The following NBAS variants were observed in gnomAD, a reference collection of about 807,000 sequenced individuals.
NBAS encodes the protein NAG/BC035112 fusion.
A neutral mutation model predicts 302.5 loss-of-function variants in NBAS; 219 were observed. That is an observed-to-expected ratio of 0.72 (90% CI 0.65 to 0.81). The LOEUF is 0.81. NBAS is among the 30% of genes least tolerant of loss of function. The probability of loss-of-function intolerance (pLI) is 0.00; values close to 1 mark genes in which losing one functional copy is unlikely to be tolerated. For missense variants in NBAS, 2,932 were observed against 2,841.6 expected, an observed-to-expected ratio of 1.03 and a Z score of -0.72; for synonymous variants, 1,118 against 1,021.6, an observed-to-expected ratio of 1.09 and a Z score of -1.80.
chr2:15,069,896 T>A, the NBAS span, among the ~76,000 whole-genome samples: 1 of 152,178 alleles, frequency 6.6e-6, no homozygotes, highest in Non-Finnish European at 1.5e-5. Flanking sequence ...GATTGGGAAT[T>A]GGAGTTATCT....
intron 19 of NBAS, among the ~76,000 whole-genome samples, chr2:15,466,171 G>T (rs971363515): frequency 9.9e-5 from 15 of 151,844 alleles, no homozygotes; most frequent in African/African-American, 3.6e-4. Flanking sequence ...ATATTAGCAG[G>T]GTGGGGGAAT....
At chr2:15,238,408 A>G in intron 45 of NBAS, 60 bp downstream of exon 45, 2 of 1,533,278 alleles carry the variant, frequency 1.3e-6, no homozygotes, top group Admixed American at 3.5e-5. Flanking sequence ...GTAACTTTCA[A>G]GGAAAAAAGA....
the NBAS span, among the ~76,000 whole-genome samples, chr2:14,828,750 T>C: frequency 6.6e-6 from 1 of 152,052 alleles, no homozygotes; most frequent in Non-Finnish European, 1.5e-5. Context: ...TAACTAACTA[T>C]ATGCAGTCAG....
the NBAS span, among the ~76,000 whole-genome samples, chr2:14,930,470 G>A: frequency 6.6e-6 from 1 of 152,182 alleles, no homozygotes. Flanking sequence ...GACTGCAAAA[G>A]CTATAGGCTC....
the NBAS span, among the ~76,000 whole-genome samples, chr2:14,946,973 A>G: frequency 6.8e-6 from 1 of 146,898 alleles, no homozygotes; most frequent in East Asian, 2.0e-4. Flanking sequence ...TGAAACAAAT[A>G]AAAATGAAAA....
intron 23 of NBAS, 81 bp downstream of exon 23, chr2:15,424,234 C>A: frequency 6.6e-7 from 1 of 1,511,376 alleles, no homozygotes; most frequent in Non-Finnish European, 9.2e-7. Flanking sequence ...CTGCTGTCAG[C>A]CCCGACTCCG....
At chr2:15,352,204 T>G in intron 34 of NBAS, 123 bp from the exon 35 acceptor site, 2 of 706,376 alleles carry the variant, frequency 2.8e-6, no homozygotes, top group Non-Finnish European at 4.9e-6. Context: ...TAATGATTAG[T>G]TTTGGTAACA....
the NBAS span, among the ~76,000 whole-genome samples, chr2:14,866,924 C>A: frequency 2.0e-5 from 3 of 152,122 alleles, no homozygotes; most frequent in African/African-American, 4.8e-5. Context: ...TGCTAAGAGA[C>A]TACTAACAAC....
At chr2:14,881,226 C>T in the NBAS span, among the ~76,000 whole-genome samples, 2 of 152,040 alleles carry the variant, frequency 1.3e-5, no homozygotes, top group Admixed American at 6.6e-5. Context: ...ATATCTATGG[C>T]GGCCATTATC....
chr2:15,499,076 G>A (rs981157209), intron 11 of NBAS, among the ~76,000 whole-genome samples: 1 of 151,816 alleles, frequency 6.6e-6, no homozygotes. Flanking sequence ...TGACAAGTAC[G>A]TGCCACCACA....
intron 44 of NBAS, among the ~76,000 whole-genome samples, chr2:15,245,198 T>G (rs891261529): frequency 6.6e-6 from 1 of 152,168 alleles, no homozygotes. Flanking sequence ...CAGTCTTTCA[T>G]GCCCTATCAG....
the NBAS span, among the ~76,000 whole-genome samples, chr2:14,961,832 G>A: frequency 6.6e-6 from 1 of 152,114 alleles, no homozygotes; most frequent in African/African-American, 2.4e-5. Flanking sequence ...AGGCTGGAGT[G>A]CAATGGCACA....
chr2:15,533,679 CGTGTGT>C (rs59222907), intron 9 of NBAS, among the ~76,000 whole-genome samples: 12,554 of 143,826 alleles, frequency 0.087, 685 homozygotes, highest in East Asian at 0.16. Context: ...GGGGGGTGTG[CGTGTGT>C]GTGTGTGTGT....
At chr2:15,061,441 T>C in the NBAS span, among the ~76,000 whole-genome samples, 1 of 152,260 alleles carries the variant, frequency 6.6e-6, no homozygotes, top group Non-Finnish European at 1.5e-5. Flanking sequence ...ACATAGTGAC[T>C]ATCTGATAAG....
Position 15,192,925 on chromosome 2 carries a change from ATCATGTTTTCAAT to A in NBAS, c.6433-2535_6433-2523del, listed in dbSNP as rs566496107. Among the ~76,000 whole-genome samples, 579 of 152,350 alleles carry A rather than the reference ATCATGTTTTCAAT, an allele frequency of 3.8e-3. 3 individuals are homozygous for A. Among genetic ancestry groups the A allele is most frequent in the Non-Finnish European group, 5.8e-3 (392 of 68,012 alleles). On this transcript the variant is annotated intron_variant, in intron 48 of 51. Coordinates refer to ENST00000281513, the MANE Select transcript of NBAS (RefSeq NM_015909.4). ...ATAGGAAGAGATTAACAATAAAAGAATCATGTTTTCAATACCATCTAAATTTATTCCTGAACTT... is the reference window on the plus strand; with the variant it reads ...ATAGGAAGAGATTAACAATAAAAGAAACCATCTAAATTTATTCCTGAACTT...
At chr2:15,034,022 AAGAAGAGGAGGAGGAAGG>A in the NBAS span, among the ~76,000 whole-genome samples, 2 of 34,526 alleles carry the variant, frequency 5.8e-5, no homozygotes, top group African/African-American at 2.8e-4. Flanking sequence ...GAAGAAGAAG[AAGAAGAGGAGGAGGAAGG>A]AGGAGGAGGA....
intron 41 of NBAS, among the ~76,000 whole-genome samples, chr2:15,289,474 G>C (rs1186346019): frequency 2.6e-5 from 4 of 152,138 alleles, no homozygotes; most frequent in Non-Finnish European, 4.4e-5. Context: ...CTTGAGAACA[G>C]GGGACCATTA....
chr2:15,100,937 A>G, the NBAS span, among the ~76,000 whole-genome samples: 1 of 152,248 alleles, frequency 6.6e-6, no homozygotes, highest in Non-Finnish European at 1.5e-5. Flanking sequence ...TTGCTTAAAA[A>G]TGGAAAAATG....
rs781112927 is a variant in NBAS at position 15,424,355 on chromosome 2, T to C, written c.2537A>G (p.Tyr846Cys). The C allele has an allele frequency of 6.2e-7, 1 of 1,614,098 alleles. No homozygotes were observed. Among genetic ancestry groups the C allele is most frequent in the Non-Finnish European group, 8.5e-7 (1 of 1,179,982 alleles). ...QLTVEKVMDWYQTRAEEIEHY... is the reference protein window; with the variant it reads ...QLTVEKVMDWCQTRAEEIEHY... ...CTCTATTTCCTCTGCTCTGGTCTGA[T>C]ACCAGTCCATAACCTTCTCCACCGT... Residue 846 changes from tyrosine (Y) to cysteine (C), a missense_variant, in exon 23 of 52, where the codon TAT (tyrosine) becomes TGT (cysteine). Physicochemically the swap from Tyr to Cys is radical, Grantham distance 194. Coordinates refer to ENST00000281513, the MANE Select transcript of NBAS (RefSeq NM_015909.4).
Sources: gnomAD v4.1 joint callset for allele counts (sites outside exome capture counted in the v4.1 genomes callset) on GRCh38, gnomAD v4.1.1 for gene constraint, MANE v1.5 for transcripts, NCBI Gene and HGNC (gene_info 2026-07-23, HGNC 2026-07-21) for gene names.